EIF4G3: variants seen among roughly 807,000 people sequenced by gnomAD.
EIF4G3 encodes eIF-4-gamma 3.
EIF4G3 carries 34 observed loss-of-function variants against 186.4 expected under a neutral mutation model. The observed-to-expected ratio is 0.18, with a 90% CI of 0.14 to 0.24. The LOEUF (loss-of-function observed/expected upper bound fraction) is 0.24, where lower values mean the gene tolerates loss of function less well. Ranked by LOEUF, EIF4G3 falls within the 10% of genes least tolerant of loss-of-function variation. The pLI is 1.00. For synonymous variants in EIF4G3, 673 were observed against 679.5 expected (o/e 0.99, Z 0.15); for missense variants, 1,536 against 1,948.5 (o/e 0.79, Z 3.99).
chr1:20,901,120 C>T (rs1475067160), intron 15 of EIF4G3, among the ~76,000 whole-genome samples: 3 of 151,966 alleles, frequency 2.0e-5, no homozygotes, highest in Non-Finnish European at 4.4e-5. Flanking sequence ...CCTATTCCCC[C>T]GACTAATTCA....
chr1:20,915,659 A>G (rs2093783155), intron 14 of EIF4G3, among the ~76,000 whole-genome samples: 1 of 151,484 alleles, frequency 6.6e-6, no homozygotes, highest in Non-Finnish European at 1.5e-5. Flanking sequence ...AGCAATTGAT[A>G]AAATCCAATT....
intron 30 of EIF4G3, among the ~76,000 whole-genome samples, chr1:20,838,952 C>A (rs758877357): frequency 3.3e-5 from 5 of 152,160 alleles, no homozygotes; most frequent in African/African-American, 1.2e-4. Context: ...GCTAGCATTA[C>A]AGGTGTGAGC....
At chr1:20,855,208 C>T (rs1044075927) in intron 25 of EIF4G3, 137 bp from the exon 26 acceptor site, 4 of 606,222 alleles carry the variant, frequency 6.6e-6, no homozygotes, top group Non-Finnish European at 1.1e-5. Context: ...TTAATAGAAA[C>T]AGAAATTGGA....
chr1:20,825,700 G>A (rs1259933896), intron 32 of EIF4G3, among the ~76,000 whole-genome samples: 1 of 152,180 alleles, frequency 6.6e-6, no homozygotes, highest in East Asian at 1.9e-4. Context: ...AGATAGCTCT[G>A]TATGTATCTG....
intron 10 of EIF4G3, among the ~76,000 whole-genome samples, chr1:20,974,376 G>A (rs2076434377): frequency 6.6e-6 from 1 of 152,156 alleles, no homozygotes; most frequent in African/African-American, 2.4e-5. Context: ...CCAAAGAGAT[G>A]AAAACCAAGG....
chr1:20,932,845 G>A (rs1208616089), intron 14 of EIF4G3, among the ~76,000 whole-genome samples: 2 of 152,120 alleles, frequency 1.3e-5, no homozygotes, highest in Non-Finnish European at 2.9e-5. Flanking sequence ...AGCACATGCT[G>A]TTGGAAAATG....
rs185412351 is a variant in EIF4G3, at chr1:20,900,764, C to T, written c.1753-821G>A. Among the ~76,000 whole-genome samples, 131 of 152,254 alleles carry T rather than the reference C, an allele frequency of 8.6e-4. 1 individual carries two copies. The highest frequency in any genetic ancestry group is 1.4e-3 in the Non-Finnish European group (95 of 68,022). On this transcript the variant is annotated intron_variant, in intron 15 of 36. Coordinates refer to ENST00000602326, the MANE Select transcript of EIF4G3 (RefSeq NM_001391906.1). ...TGAAAACAATCCTCTGAAACAACTA[C>T]TCAGAGGTGTTCTAATTGATAAATT...
chr1:21,074,467 T>G (rs1006269682), intron 3 of EIF4G3, among the ~76,000 whole-genome samples: 5 of 152,210 alleles, frequency 3.3e-5, no homozygotes, highest in Admixed American at 2.0e-4. Flanking sequence ...TTTAAATTTA[T>G]CAAATACAAA....
intron 2 of EIF4G3, among the ~76,000 whole-genome samples, chr1:21,117,899 A>C (rs1011099998): frequency 1.3e-5 from 2 of 152,118 alleles, no homozygotes; most frequent in African/African-American, 4.8e-5. Context: ...TTTGTTCAAC[A>C]CAGACCAGCC....
At chr1:20,981,330 G>T (rs1368053761) in intron 8 of EIF4G3, 103 bp from the exon 9 acceptor site, 1 of 813,592 alleles carries the variant, frequency 1.2e-6, no homozygotes, top group Non-Finnish European at 1.8e-6. Flanking sequence ...TGGTCAACTT[G>T]AATTACAAAT....
intron 7 of EIF4G3, among the ~76,000 whole-genome samples, chr1:20,986,748 A>C (rs2079607264): frequency 3.9e-5 from 2 of 51,164 alleles, no homozygotes; most frequent in African/African-American, 6.3e-5. Flanking sequence ...TGTCTCCAAA[A>C]AAAAAAAAAA....
intron 12 of EIF4G3, among the ~76,000 whole-genome samples, chr1:20,955,115 TCAGG>T (rs1295557133): frequency 6.6e-6 from 1 of 151,812 alleles, no homozygotes; most frequent in Non-Finnish European, 1.5e-5. Context: ...CAGGCAGGAG[TCAGG>T]CAGACAGGCC....
chr1:20,899,839 T>C lies in EIF4G3; in HGVS notation c.1857A>G (p.Lys619=), dbSNP rs1164819660. Reference sequence around the variant, plus strand: ...CTCCATTTTCTTCCACAGCTTTCACTTTTTTTAGGTCAGAGGGGTCTCTTT... The same window carrying C: ...CTCCATTTTCTTCCACAGCTTTCACCTTTTTTAGGTCAGAGGGGTCTCTTT... The part of the protein sequence containing the change: ...HPERDPSDLK[K]VKAVEENGEE... Residue 619 remains lysine, a synonymous_variant, in exon 16 of 37, where the codon AAA becomes AAG. Transcript: ENST00000602326. The C allele has an allele frequency of 1.9e-6, 3 of 1,614,060 alleles. No homozygotes were observed. The East Asian group carries it at 6.7e-5, about 36-fold the overall frequency.
intron 31 of EIF4G3, among the ~76,000 whole-genome samples, chr1:20,828,732 T>C (rs1342290213): frequency 6.6e-6 from 1 of 152,204 alleles, no homozygotes; most frequent in East Asian, 1.9e-4. Flanking sequence ...CAGTTTGTTT[T>C]ATTATAATCA....
chr1:20,886,010 C>G (rs992561856), intron 19 of EIF4G3, among the ~76,000 whole-genome samples, 191 bp downstream of exon 19: 2 of 152,178 alleles, frequency 1.3e-5, no homozygotes, highest in African/African-American at 4.8e-5. Flanking sequence ...AAAAAATACA[C>G]ATAAAGCAAT....
chr1:21,137,876 A>T (rs2097273930), intron 2 of EIF4G3, among the ~76,000 whole-genome samples: 1 of 151,972 alleles, frequency 6.6e-6, no homozygotes, highest in African/African-American at 2.4e-5. Flanking sequence ...AAAAATAATT[A>T]ACTAAAGTAA....
chr1:21,129,775 C>A (rs1267047507), intron 2 of EIF4G3, among the ~76,000 whole-genome samples: 1 of 151,996 alleles, frequency 6.6e-6, no homozygotes, highest in Admixed American at 6.6e-5. Flanking sequence ...GGCCTAGGAT[C>A]CCACACTGAT....
chr1:20,990,762 A>G (rs2080916531), intron 7 of EIF4G3, among the ~76,000 whole-genome samples: 1 of 152,256 alleles, frequency 6.6e-6, no homozygotes, highest in Admixed American at 6.5e-5. Context: ...CAGTGGAAAC[A>G]TAACATATAT....
At chr1:21,078,008 A>G (rs2100672743) in intron 3 of EIF4G3, among the ~76,000 whole-genome samples, 1 of 152,258 alleles carries the variant, frequency 6.6e-6, no homozygotes, top group South Asian at 2.1e-4. Flanking sequence ...TCGTGAAAAA[A>G]CTACAATAGA....
Sources: allele counts gnomAD v4.1 joint callset (sites outside exome capture counted in the v4.1 genomes callset), GRCh38; gene constraint gnomAD v4.1.1; transcripts MANE v1.5; gene names NCBI Gene and HGNC (gene_info 2026-07-23, HGNC 2026-07-21).